The following ZNF638 variants were observed in gnomAD, a reference collection of about 807,000 sequenced individuals.
The protein encoded by ZNF638 is CTCL tumor antigen se33-1.
ZNF638 carries 46 observed loss-of-function variants against 195.6 expected under a neutral mutation model. That is an observed-to-expected ratio of 0.24 (90% CI 0.19 to 0.30). The LOEUF (loss-of-function observed/expected upper bound fraction) is 0.30, where lower values mean the gene tolerates loss of function less well. Among genes scored for constraint, ZNF638 ranks in the 10% least tolerant of loss-of-function variants. The pLI, the probability that ZNF638 is intolerant of heterozygous loss-of-function variation, is 1.00. For synonymous variants in ZNF638, 845 were observed against 772.0 expected, an observed-to-expected ratio of 1.09 and a Z score of -1.57; for missense variants, 2,440 against 2,325.3, an observed-to-expected ratio of 1.05 and a Z score of -1.01.
In ZNF638 at chr2:71,427,501, A is replaced by G. The variant is rs188035598; in HGVS notation, c.5545+87A>G. On this transcript the variant is annotated intron_variant, in intron 24 of 27. Coordinates refer to ENST00000264447, the MANE Select transcript of ZNF638 (RefSeq NM_014497.5). ...TAAAATACATGTTGTGGCATTACCA[A>G]TAATGTCACCCAGTATTGATATTAG... 1,592 of 995,786 alleles carry G rather than the reference A, an allele frequency of 1.6e-3. 6 individuals carry two copies. Among genetic ancestry groups the G allele is most frequent in the Non-Finnish European group, 1.8e-3 (1,250 of 708,492 alleles). 61.7% of individuals were successfully genotyped at this position (995,786 alleles called of 1,614,324 possible).
At chr2:71,428,509 T>C in intron 24 of ZNF638, 38 bp from the exon 25 acceptor site, 6 of 1,549,100 alleles carry the variant, frequency 3.9e-6, no homozygotes, top group Non-Finnish European at 5.3e-6. Flanking sequence ...ATTTAAATAC[T>C]GTTACTAGAG....
rs1172477690 is a variant in ZNF638, at chr2:71,426,624, AACTTCC to A, written c.4759_4764del (p.Ser1587_Thr1588del). 2 of 1,614,038 alleles carry A rather than the reference AACTTCC, an allele frequency of 1.2e-6. No homozygotes were observed. The highest frequency in any genetic ancestry group is 8.5e-7 in the Non-Finnish European group (1 of 1,180,022). On this transcript the variant is annotated inframe_deletion, in exon 24 of 28. Coordinates refer to ENST00000264447, the MANE Select transcript of ZNF638 (RefSeq NM_014497.5). The stretch of plus-strand genomic sequence containing the variant: ...TTAACTTAAAGAAGAAAAAGGGGAA[AACTTCC>A]ACTCCTCGTGGTGTTGAGGGAGAAC...
intron 19 of ZNF638, 67 bp downstream of exon 19, chr2:71,406,329 C>T: frequency 1.4e-6 from 2 of 1,388,440 alleles, no homozygotes; most frequent in Admixed American, 1.8e-5. Context: ...TGTATTCTGA[C>T]AATCTGCAAC....
intron 10 of ZNF638, chr2:71,388,674 G>C: frequency 9.4e-7 from 1 of 1,063,526 alleles, no homozygotes; most frequent in Non-Finnish European, 1.5e-6. Context: ...AACACTGCAA[G>C]GGATCACGAC....
intron 10 of ZNF638, among the ~76,000 whole-genome samples, chr2:71,391,825 G>A (rs926479835): frequency 3.9e-5 from 6 of 151,994 alleles, no homozygotes; most frequent in Non-Finnish European, 7.4e-5. Flanking sequence ...TTTAACCCCC[G>A]CAGCAAAAAG....
chr2:71,394,708 C>A (rs2079857849), intron 10 of ZNF638, among the ~76,000 whole-genome samples: 1 of 152,172 alleles, frequency 6.6e-6, no homozygotes, highest in South Asian at 2.1e-4. Flanking sequence ...GTTAATCTTA[C>A]AGCCTTTATA....
Position 71,399,555 on chromosome 2 carries a change from C to T in ZNF638, c.2501-4C>T, listed in dbSNP as rs771015979. On this transcript the variant is annotated splice_region_variant and splice_polypyrimidine_tract_variant and intron_variant, in intron 12 of 27. Transcript: ENST00000264447. ...AGAATAATGGCTGACTGTACTTTTA[C>T]AAGCAAAATCTGGTGGAAAGAAGTC... is the stretch of plus-strand genomic sequence containing the variant. 5 of 1,608,150 alleles carry T rather than the reference C, an allele frequency of 3.1e-6. No individual in the cohort carries two copies. The highest frequency in any genetic ancestry group is 4.2e-6 in the Non-Finnish European group (5 of 1,176,916).
intron 2 of ZNF638, among the ~76,000 whole-genome samples, chr2:71,354,501 C>T (rs761422306): frequency 6.6e-6 from 1 of 151,788 alleles, no homozygotes; most frequent in African/African-American, 2.4e-5. Context: ...TTTGGGAGGC[C>T]GAGGCAGGTG....
Position 71,427,167 on chromosome 2 carries a change from CA to C in ZNF638, c.5300del (p.Asn1767ThrfsTer24). The C allele has an allele frequency of 1.2e-6, 2 of 1,612,346 alleles. No individual in the cohort carries two copies. Among genetic ancestry groups the C allele is most frequent in the Non-Finnish European group, 1.7e-6 (2 of 1,179,466 alleles). On this transcript the variant is annotated frameshift_variant, in exon 24 of 28. Transcript: ENST00000264447. LOFTEE classifies it high-confidence loss of function. ...EDEDSLADFNNLKEELNFVTV... is the reference protein window; with the variant it reads ...EDEDSLADFNXLKEELNFVTV... The stretch of plus-strand genomic sequence containing the variant: ...ATGAAGACTCTCTGGCGGATTTTAA[CA>C]ACCTTAAAGAAGAGCTTAATTTTGT...
At chr2:71,424,781 T>G in intron 23 of ZNF638, 66 bp downstream of exon 23, 1 of 1,309,372 alleles carries the variant, frequency 7.6e-7, no homozygotes. Flanking sequence ...ATCTATCTTA[T>G]AACTTGTGCC....
chr2:71,429,498 C>G (rs184082287), intron 25 of ZNF638, among the ~76,000 whole-genome samples: 1 of 152,284 alleles, frequency 6.6e-6, no homozygotes, highest in Non-Finnish European at 1.5e-5. Context: ...TAGGATCTCC[C>G]TTGTCTGCCA....
intron 1 of ZNF638, among the ~76,000 whole-genome samples, chr2:71,341,058 T>A (rs1384803754): frequency 6.6e-6 from 1 of 152,220 alleles, no homozygotes; most frequent in African/African-American, 2.4e-5. Flanking sequence ...AAGGGCTCCC[T>A]TCCTTCTGAA....
chr2:71,414,038 G>A (rs2080268841), intron 20 of ZNF638, among the ~76,000 whole-genome samples: 2 of 137,552 alleles, frequency 1.5e-5, no homozygotes, highest in African/African-American at 5.4e-5. Flanking sequence ...GATTGGAATA[G>A]TTTCAGAAGG....
In ZNF638 at chr2:71,377,593, G is replaced by A. The variant is rs190578233; in HGVS notation, c.2266-2629G>A. On this transcript the variant is annotated intron_variant, in intron 8 of 27. Transcript: ENST00000264447. ...TCTGAAACTATTTCTTATTAGTTAAGCATCTGTTATGCCTCTGTTGTGTCA... is the reference window on the plus strand; with the variant it reads ...TCTGAAACTATTTCTTATTAGTTAAACATCTGTTATGCCTCTGTTGTGTCA... Among the ~76,000 whole-genome samples, 327 of 152,334 alleles carry A rather than the reference G, an allele frequency of 2.1e-3. 2 individuals carry two copies. The highest frequency in any genetic ancestry group is 6.9e-3 in the African/African-American group (285 of 41,572).
chr2:71,395,148 G>A (rs2079865996), intron 10 of ZNF638: 2 of 686,016 alleles, frequency 2.9e-6, no homozygotes, highest in Non-Finnish European at 5.5e-6. Flanking sequence ...ATGGAAGGAT[G>A]TGCAAGAACA....
At chr2:71,431,109 G>A in intron 25 of ZNF638, 1 of 422,234 alleles carries the variant, frequency 2.4e-6, no homozygotes, top group South Asian at 3.9e-5. Flanking sequence ...AAAATTTGCT[G>A]TTAGCTTTAG....
chr2:71,422,687 A>G lies in ZNF638; in HGVS notation c.3300-127A>G, dbSNP rs1364397136. The G allele has an allele frequency of 5.4e-6, 5 of 927,010 alleles. No individual in the cohort carries two copies. The East Asian group carries it at 1.3e-4, about 24-fold the overall frequency. The allele number at this position is 927,010 out of a possible 1,614,324, so 57.4% of individuals were successfully genotyped here. Reference sequence around the variant, plus strand: ...GTTGGATTTCCCAGTGCTTATTACGAATGCATCAGGAAGTCTTAACAATTG... The same window carrying G: ...GTTGGATTTCCCAGTGCTTATTACGGATGCATCAGGAAGTCTTAACAATTG... On this transcript the variant is annotated intron_variant, in intron 21 of 27. Transcript: ENST00000264447.
At chr2:71,346,572 G>A (rs2078853554) in intron 1 of ZNF638, among the ~76,000 whole-genome samples, 1 of 152,120 alleles carries the variant, frequency 6.6e-6, no homozygotes, top group Admixed American at 6.5e-5. Context: ...ACAAATACTT[G>A]AGGATCTTTT....
At chr2:71,417,125 C>T (rs1463509116) in intron 20 of ZNF638, among the ~76,000 whole-genome samples, 2 of 146,920 alleles carry the variant, frequency 1.4e-5, no homozygotes, top group Non-Finnish European at 3.0e-5. Flanking sequence ...TAGCAATCAG[C>T]GAGATTCCGT....
Sources: gnomAD v4.1 joint callset for allele counts (sites outside exome capture counted in the v4.1 genomes callset) on GRCh38, gnomAD v4.1.1 for gene constraint, MANE v1.5 for transcripts, NCBI Gene and HGNC (gene_info 2026-07-23, HGNC 2026-07-21) for gene names.